The following NFIB variants were observed in gnomAD, a reference collection of about 807,000 sequenced individuals.
The protein encoded by NFIB is nuclear factor I B.
In NFIB, 11 loss-of-function variants were observed where a neutral mutation model predicts 61.5. The ratio of observed to expected loss-of-function variants is 0.18; its 90% confidence interval spans 0.11 to 0.30. NFIB has a LOEUF of 0.30. NFIB is among the 10% of genes least tolerant of loss of function. The pLI is 1.00. For synonymous variants in NFIB, 260 were observed against 216.5 expected, an observed-to-expected ratio of 1.20 and a Z score of -1.76; for missense variants, 471 against 608.9, an observed-to-expected ratio of 0.77 and a Z score of 2.38.
At chr9:14,375,656 T>C (rs1331013020) in intron 1 of NFIB, among the ~76,000 whole-genome samples, 1 of 149,944 alleles carries the variant, frequency 6.7e-6, no homozygotes, top group African/African-American at 2.5e-5. Flanking sequence ...AAAAACTCCA[T>C]CTCAAAAAAA....
chr9:14,287,711 C>T (rs9696427), intron 2 of NFIB, among the ~76,000 whole-genome samples: 113,362 of 151,790 alleles, frequency 0.75, 45,870 homozygotes, highest in Non-Finnish European at 0.91. Context: ...TGAGCCACTG[C>T]GCCCGGCCCA....
At chr9:14,281,690 T>C (rs974569009) in intron 2 of NFIB, among the ~76,000 whole-genome samples, 50 of 152,270 alleles carry the variant, frequency 3.3e-4, no homozygotes, top group African/African-American at 1.2e-3. Context: ...TTTGACATTA[T>C]AGGTAAAAAC....
intron 2 of NFIB, among the ~76,000 whole-genome samples, chr9:14,265,607 T>C (rs1217924002): frequency 6.6e-6 from 1 of 152,212 alleles, no homozygotes; most frequent in Non-Finnish European, 1.5e-5. Flanking sequence ...CAGTCTATAG[T>C]ATTTTGTTAT....
the NFIB span, among the ~76,000 whole-genome samples, chr9:14,470,239 T>C: frequency 6.6e-6 from 1 of 152,318 alleles, no homozygotes; most frequent in African/African-American, 2.4e-5. Flanking sequence ...CAGAGCCATG[T>C]TGCAGAGTCT....
chr9:14,150,124 G>A, intron 5 of NFIB, 21 bp downstream of exon 5: 2 of 1,612,764 alleles, frequency 1.2e-6, no homozygotes, highest in East Asian at 2.2e-5. Context: ...TTGAGAATAT[G>A]AGCAGCCCTT....
intron 2 of NFIB, among the ~76,000 whole-genome samples, chr9:14,254,110 TG>T (rs571165344): frequency 3.2e-4 from 49 of 152,246 alleles, no homozygotes; most frequent in Non-Finnish European, 5.4e-4. Context: ...GAGACTAGCC[TG>T]GCCAACATAG....
At chr9:14,104,354 T>C (rs1193164856) in intron 10 of NFIB, among the ~76,000 whole-genome samples, 1 of 152,130 alleles carries the variant, frequency 6.6e-6, no homozygotes, top group Non-Finnish European at 1.5e-5. Context: ...TATGGCAAGA[T>C]TTCTTAAAAG....
chr9:14,447,565 T>C, the NFIB span, among the ~76,000 whole-genome samples: 1 of 152,204 alleles, frequency 6.6e-6, no homozygotes, highest in African/African-American at 2.4e-5. Flanking sequence ...AGTAGTGATT[T>C]CTTTTTCTAT....
chr9:14,280,276 G>A (rs1329735036), intron 2 of NFIB, among the ~76,000 whole-genome samples: 2 of 151,946 alleles, frequency 1.3e-5, no homozygotes, highest in East Asian at 1.9e-4. Flanking sequence ...CTGTTCTTTC[G>A]TTCCCTCACA....
At chr9:14,442,251 T>C in the NFIB span, among the ~76,000 whole-genome samples, 1 of 152,168 alleles carries the variant, frequency 6.6e-6, no homozygotes, top group Non-Finnish European at 1.5e-5. Flanking sequence ...TTTTCTGATA[T>C]TCTCCCCACT....
intron 6 of NFIB, among the ~76,000 whole-genome samples, chr9:14,140,415 G>GATTCCCTATCT (rs2041554302): frequency 6.6e-6 from 1 of 152,056 alleles, no homozygotes; most frequent in South Asian, 2.1e-4. Flanking sequence ...GCTCCCTATG[G>GATTCCCTATCT]ATTCTTTGAT....
At chr9:14,238,644 C>A (rs2054042351) in intron 2 of NFIB, among the ~76,000 whole-genome samples, 1 of 152,140 alleles carries the variant, frequency 6.6e-6, no homozygotes, top group Non-Finnish European at 1.5e-5. Context: ...TTACATCCGC[C>A]TGGTCCAATC....
rs1028495265 is a variant in NFIB, at chr9:14,120,180, C to A, written c.1245+260G>T. 3.9e-5 allele frequency among the ~76,000 whole-genome samples: 6 copies of A among 152,174 alleles called. No individual in the cohort carries two copies. The highest frequency in any genetic ancestry group is 1.4e-4 in the African/African-American group (6 of 41,444). On this transcript the variant is annotated intron_variant, in intron 8 of 10. Transcript: ENST00000380953. The surrounding 1 kb of genome is among the most constrained non-coding windows in gnomAD (Gnocchi z 4.4). ...AGCTTTCCTGTCAATGTACTTTCTG[C>A]ATAAACTTTCCCTTCAGTCAGTGAA...
At chr9:14,480,460 AAGTGAAGTGCCCCTGACTGAGAAGGAC>A in the NFIB span, among the ~76,000 whole-genome samples, 719 of 152,310 alleles carry the variant, frequency 4.7e-3, 5 homozygotes, top group Middle Eastern at 0.014. Flanking sequence ...CTCAAAAGTT[AAGTGAAGTGCCCCTGACTGAGAAGGAC>A]AGTCCATTAT....
chr9:14,150,477 T>C (rs1308407675), intron 4 of NFIB, among the ~76,000 whole-genome samples: 1 of 152,110 alleles, frequency 6.6e-6, no homozygotes, highest in African/African-American at 2.4e-5. Flanking sequence ...GGCAATCAGA[T>C]TATAATCACT....
chr9:14,114,837 T>C (rs1214806405), intron 9 of NFIB, among the ~76,000 whole-genome samples: 2 of 152,150 alleles, frequency 1.3e-5, no homozygotes, highest in Non-Finnish European at 1.5e-5. Context: ...TAAAAAAAAA[T>C]CTTTGTTTTC....
intron 2 of NFIB, among the ~76,000 whole-genome samples, chr9:14,226,947 C>G (rs1463887806): frequency 1.3e-5 from 2 of 151,390 alleles, no homozygotes; most frequent in African/African-American, 4.9e-5. Flanking sequence ...CGTGACCAGC[C>G]TGACTAAGAT....
chr9:14,282,770 C>T (rs1256315113), intron 2 of NFIB, among the ~76,000 whole-genome samples: 4 of 152,194 alleles, frequency 2.6e-5, no homozygotes, highest in African/African-American at 9.7e-5. Flanking sequence ...CTGAATTAGG[C>T]CGCACAGCCA....
chr9:14,515,463 G>A, the NFIB span, among the ~76,000 whole-genome samples: 1 of 152,080 alleles, frequency 6.6e-6, no homozygotes, highest in Non-Finnish European at 1.5e-5. Context: ...AACTCGGTAG[G>A]CAAGGTGGAT....
Sources: allele counts gnomAD v4.1 joint callset (sites outside exome capture counted in the v4.1 genomes callset), GRCh38; gene constraint gnomAD v4.1.1; non-coding constraint Gnocchi (gnomAD v3.1); transcripts MANE v1.5; gene names NCBI Gene and HGNC (gene_info 2026-07-23, HGNC 2026-07-21).